GBF1: variants seen among roughly 807,000 people sequenced by gnomAD.
GBF1 encodes Golgi-specific brefeldin A-resistance guanine nucleotide exchange factor 1.
Under a neutral mutation model 210.5 loss-of-function variants are expected in GBF1, and 114 were observed. The ratio of observed to expected loss-of-function variants is 0.54; its 90% CI spans 0.47 to 0.63. The LOEUF is 0.63. Among genes scored for constraint, GBF1 ranks in the 30% least tolerant of loss-of-function variants. The pLI is 0.00. For synonymous variants in GBF1, 850 were observed against 889.2 expected (o/e 0.96, Z 0.78); for missense variants, 1,851 against 2,357.7 (o/e 0.79, Z 4.45).
intron 3 of GBF1, among the ~76,000 whole-genome samples, chr10:102,334,136 C>G (rs1258348017): frequency 2.0e-5 from 3 of 152,094 alleles, no homozygotes; most frequent in Admixed American, 6.6e-5. Flanking sequence ...AGGCTGGTGA[C>G]CCTCTAGAAA....
intron 4 of GBF1, among the ~76,000 whole-genome samples, chr10:102,345,207 G>T (rs1275731971): frequency 1.3e-5 from 2 of 150,996 alleles, no homozygotes; most frequent in Non-Finnish European, 3.0e-5. Flanking sequence ...GCTTGAACCC[G>T]GGAGGCGGAG....
intron 3 of GBF1, among the ~76,000 whole-genome samples, chr10:102,297,679 T>C (rs1363838503): frequency 6.6e-6 from 1 of 152,228 alleles, no homozygotes; most frequent in African/African-American, 2.4e-5. Flanking sequence ...GGGAAAGAAA[T>C]GATCTTATTG....
chr10:102,289,384 G>A (rs767258873), intron 3 of GBF1, among the ~76,000 whole-genome samples: 28 of 152,188 alleles, frequency 1.8e-4, no homozygotes, highest in Non-Finnish European at 2.6e-4. Context: ...GTGTGGGGCA[G>A]AGAACAGGGG....
At chr10:102,315,070 A>G (rs1016640965) in intron 3 of GBF1, among the ~76,000 whole-genome samples, 4 of 152,186 alleles carry the variant, frequency 2.6e-5, no homozygotes, top group Non-Finnish European at 5.9e-5. Flanking sequence ...GTGCTGCCCT[A>G]TTCCTTGTAA....
At chr10:102,361,150 G>T in intron 13 of GBF1, 30 bp downstream of exon 13, 1 of 1,191,326 alleles carries the variant, frequency 8.4e-7, no homozygotes. Context: ...AAGAAAAGGG[G>T]GAAAAAAAAT....
At chr10:102,263,918 C>T (rs1408301196) in intron 3 of GBF1, among the ~76,000 whole-genome samples, 1 of 152,178 alleles carries the variant, frequency 6.6e-6, no homozygotes, top group Admixed American at 6.5e-5. Flanking sequence ...TGCTGTCCCT[C>T]ATTTGGTCTT....
intron 1 of GBF1, among the ~76,000 whole-genome samples, chr10:102,250,783 G>T (rs1295954941): frequency 1.3e-5 from 2 of 151,974 alleles, no homozygotes; most frequent in Non-Finnish European, 2.9e-5. Context: ...ATGGTGAAAC[G>T]CTGTCTCTAC....
intron 3 of GBF1, among the ~76,000 whole-genome samples, chr10:102,337,053 T>C (rs2057798792): frequency 6.6e-6 from 1 of 152,144 alleles, no homozygotes; most frequent in South Asian, 2.1e-4. Context: ...TTTTAAAATT[T>C]TTCTAGTAAT....
Position 102,332,626 on chromosome 10 carries a change from C to T in GBF1, c.164-11425C>T, listed in dbSNP as rs144027277. The stretch of plus-strand genomic sequence containing the variant: ...ATCTAACTTCTGACCTCAAGTGATT[C>T]GCCCACCTTTGCCTACCAAAGTGCT... On this transcript the variant is annotated intron_variant, in intron 3 of 39. Coordinates refer to ENST00000369983, the MANE Select transcript of GBF1 (RefSeq NM_001377137.1). Among the ~76,000 whole-genome samples, 329 of 152,160 alleles carry T rather than the reference C, an allele frequency of 2.2e-3. 2 individuals are homozygous for T. Among genetic ancestry groups the T allele is most frequent in the Non-Finnish European group, 3.7e-3 (252 of 67,994 alleles).
At chr10:102,298,551 A>C (rs1296692810) in intron 3 of GBF1, among the ~76,000 whole-genome samples, 4 of 152,228 alleles carry the variant, frequency 2.6e-5, no homozygotes, top group African/African-American at 7.2e-5. Context: ...TTCAGAGATT[A>C]ATAAATACTC....
intron 3 of GBF1, among the ~76,000 whole-genome samples, chr10:102,264,563 C>T (rs897572273): frequency 2.6e-5 from 4 of 152,154 alleles, no homozygotes; most frequent in Non-Finnish European, 5.9e-5. Context: ...CCTCCCCCCA[C>T]GGAGTGTGTT....
intron 3 of GBF1, among the ~76,000 whole-genome samples, chr10:102,310,943 C>G (rs1433071048): frequency 2.0e-5 from 3 of 152,300 alleles, no homozygotes; most frequent in African/African-American, 7.2e-5. Context: ...TGGCCCTGTT[C>G]CTGTGTACAT....
At position 102,366,083 on chromosome 10, in the gene GBF1, A is replaced by G. The variant is rs942116401; in HGVS notation, c.2310-300A>G. On this transcript the variant is annotated intron_variant, in intron 18 of 39. Coordinates refer to ENST00000369983, the MANE Select transcript of GBF1 (RefSeq NM_001377137.1). The surrounding 1 kb of genome is among the most constrained non-coding windows in gnomAD (Gnocchi z 4.0). ...CTTCCTCTACCCATCATTTATATCT[A>G]TTGGACCTGAAAGGGACTCCAACGA... is the stretch of plus-strand genomic sequence containing the variant. 1.3e-5 allele frequency among the ~76,000 whole-genome samples: 2 copies of G among 152,138 alleles called. No homozygotes were observed. The highest frequency in any genetic ancestry group is 2.9e-5 in the Non-Finnish European group (2 of 68,028).
the GBF1 span, among the ~76,000 whole-genome samples, chr10:102,234,586 G>C: frequency 2.0e-5 from 3 of 152,014 alleles, no homozygotes; most frequent in African/African-American, 7.2e-5. Flanking sequence ...GATGAGGGAG[G>C]AAGGGTTAGA....
chr10:102,256,780 G>C (rs966704020), intron 1 of GBF1, among the ~76,000 whole-genome samples: 1 of 152,098 alleles, frequency 6.6e-6, no homozygotes, highest in Non-Finnish European at 1.5e-5. Context: ...CTGAAGTGCT[G>C]GGATTACAGG....
chr10:102,301,685 G>C (rs1227663542), intron 3 of GBF1, among the ~76,000 whole-genome samples: 1 of 151,562 alleles, frequency 6.6e-6, no homozygotes, highest in African/African-American at 2.4e-5. Context: ...GGGCAGAGGC[G>C]CTCCCCACAT....
chr10:102,306,539 T>G (rs1365440834), intron 3 of GBF1, among the ~76,000 whole-genome samples: 1 of 152,256 alleles, frequency 6.6e-6, no homozygotes, highest in Admixed American at 6.5e-5. Context: ...TTCTCTGGCC[T>G]CAGCCTCCCG....
intron 3 of GBF1, among the ~76,000 whole-genome samples, chr10:102,343,327 TGGGACCTAA>T (rs1192868020): frequency 6.6e-6 from 1 of 152,188 alleles, no homozygotes; most frequent in Non-Finnish European, 1.5e-5. Context: ...GAGCCCACCT[TGGGACCTAA>T]GGGTCGCATT....
intron 11 of GBF1, 105 bp from the exon 12 acceptor site, chr10:102,360,078 GA>G (rs2135007030): frequency 3.9e-6 from 3 of 770,926 alleles, no homozygotes; most frequent in Non-Finnish European, 7.1e-6. Flanking sequence ...TTTCTTCAAA[GA>G]GAATCACTTA....
Sources: allele counts gnomAD v4.1 joint callset (sites outside exome capture counted in the v4.1 genomes callset), GRCh38; gene constraint gnomAD v4.1.1; non-coding constraint Gnocchi (gnomAD v3.1); transcripts MANE v1.5; gene names NCBI Gene and HGNC (gene_info 2026-07-23, HGNC 2026-07-21).